Variants in CSMD1 observed in about 807,000 individuals in gnomAD.
CSMD1 encodes CUB and Sushi multiple domains 1, also known as CUB and sushi domain-containing protein 1.
In CSMD1, 213 loss-of-function variants were observed where a neutral mutation model predicts 417.5. The observed-to-expected ratio is 0.51, with a 90% CI of 0.46 to 0.57. The LOEUF is 0.57. CSMD1 is among the 20% of genes least tolerant of loss of function. CSMD1 has a pLI of 0.00. For synonymous variants in CSMD1, 2,862 were observed against 1,736.8 expected (o/e 1.65, Z -16.11); for missense variants, 6,923 against 4,529.7 (o/e 1.53, Z -15.17).
In CSMD1 at chr8:4,321,459, C is replaced by G. The variant is rs377573979; in HGVS notation, c.415+98494G>C. Reference sequence around the variant, plus strand: ...TGACCTTGGGAATCTTACCTTATCACTCTCTTAATTCCTCAGTGATGCAAG... The same window carrying G: ...TGACCTTGGGAATCTTACCTTATCAGTCTCTTAATTCCTCAGTGATGCAAG... On this transcript the variant is annotated intron_variant, in intron 3 of 69. Transcript: ENST00000635120. Among the ~76,000 whole-genome samples, 221 of 152,234 alleles carry G rather than the reference C, an allele frequency of 1.5e-3. 2 individuals carry two copies. The highest frequency in any genetic ancestry group is 5.2e-3 in the African/African-American group (217 of 41,544).
intron 3 of CSMD1, among the ~76,000 whole-genome samples, chr8:4,353,879 G>A (rs778694155): frequency 6.6e-6 from 1 of 152,136 alleles, no homozygotes; most frequent in African/African-American, 2.4e-5. Context: ...CAGCAATAGT[G>A]CCAGGGAAAA....
At chr8:4,074,605 T>C (rs968615939) in intron 3 of CSMD1, among the ~76,000 whole-genome samples, 2 of 152,170 alleles carry the variant, frequency 1.3e-5, no homozygotes, top group African/African-American at 4.8e-5. Context: ...CATTTCAAAC[T>C]ACTGTCCTAC....
intron 10 of CSMD1, among the ~76,000 whole-genome samples, chr8:3,504,436 G>C (rs1212322515): frequency 1.3e-5 from 2 of 152,140 alleles, no homozygotes; most frequent in Non-Finnish European, 2.9e-5. Flanking sequence ...GTGCAAGCAA[G>C]GTGTGTACTT....
At chr8:3,786,852 A>T (rs1375447956) in intron 5 of CSMD1, among the ~76,000 whole-genome samples, 1 of 152,116 alleles carries the variant, frequency 6.6e-6, no homozygotes, top group Non-Finnish European at 1.5e-5. Context: ...TAAAGGCACT[A>T]ATCACATTAT....
chr8:3,410,010 T>C (rs1812584419), intron 12 of CSMD1, among the ~76,000 whole-genome samples: 1 of 152,242 alleles, frequency 6.6e-6, no homozygotes, highest in Admixed American at 6.5e-5. Flanking sequence ...CATTCCCTAC[T>C]GAGTATTTAA....
intron 5 of CSMD1, among the ~76,000 whole-genome samples, chr8:3,952,862 G>C (rs867642993): frequency 2.3e-4 from 35 of 152,220 alleles, no homozygotes; most frequent in African/African-American, 7.9e-4. Context: ...GAAAATAAGA[G>C]CAAAAAACAA....
intron 3 of CSMD1, among the ~76,000 whole-genome samples, chr8:4,057,377 GTTAT>G (rs1459611841): frequency 2.0e-5 from 3 of 148,646 alleles, no homozygotes; most frequent in Non-Finnish European, 3.0e-5. Context: ...TTTTGATGGG[GTTAT>G]TTGTTTTTTT....
rs567292853 is a variant in CSMD1 at position 3,814,705 on chromosome 8, G to A, written c.819-60663C>T. On this transcript the variant is annotated intron_variant, in intron 5 of 69. Coordinates refer to ENST00000635120, the MANE Select transcript of CSMD1 (RefSeq NM_033225.6). ...ACATTAGCTTAGCCCTCTGGTGATC[G>A]CTGATTCTGAAGTAGAAATCTTAAC... 5.9e-5 allele frequency among the ~76,000 whole-genome samples: 9 copies of A among 152,220 alleles called. No homozygotes were observed. The South Asian group carries it at 1.0e-3, about 18-fold the overall frequency.
chr8:3,639,011 T>G (rs1045889134), intron 7 of CSMD1, among the ~76,000 whole-genome samples: 1 of 152,232 alleles, frequency 6.6e-6, no homozygotes, highest in Non-Finnish European at 1.5e-5. Flanking sequence ...CCTGAAGTTG[T>G]GAGTGAATAT....
At chr8:4,934,978 A>T (rs1807510656) in intron 1 of CSMD1, among the ~76,000 whole-genome samples, 1 of 152,194 alleles carries the variant, frequency 6.6e-6, no homozygotes. Flanking sequence ...ATCATCTATC[A>T]ATCATCTGTC....
At chr8:4,380,810 G>A (rs995819732) in intron 3 of CSMD1, among the ~76,000 whole-genome samples, 2 of 152,142 alleles carry the variant, frequency 1.3e-5, no homozygotes, top group African/African-American at 2.4e-5. Flanking sequence ...TTGGGAGCAA[G>A]GCACATTAAT....
At chr8:4,723,386 G>T (rs1809191047) in intron 1 of CSMD1, among the ~76,000 whole-genome samples, 1 of 152,050 alleles carries the variant, frequency 6.6e-6, no homozygotes, top group Non-Finnish European at 1.5e-5. Flanking sequence ...AAAACATGTT[G>T]CCATTTCTGA....
intron 6 of CSMD1, among the ~76,000 whole-genome samples, chr8:3,729,714 C>T (rs1012402654): frequency 6.6e-6 from 1 of 151,946 alleles, no homozygotes; most frequent in African/African-American, 2.4e-5. Flanking sequence ...AAGTCCCTAT[C>T]ACTTCCACCA....
intron 3 of CSMD1, among the ~76,000 whole-genome samples, chr8:4,136,214 C>G (rs1409600002): frequency 6.6e-6 from 1 of 152,122 alleles, no homozygotes; most frequent in African/African-American, 2.4e-5. Context: ...AAAAATTGAT[C>G]ACATATATAG....
At chr8:4,126,315 C>G (rs1563156798) in intron 3 of CSMD1, among the ~76,000 whole-genome samples, 1 of 152,178 alleles carries the variant, frequency 6.6e-6, no homozygotes, top group Non-Finnish European at 1.5e-5. Context: ...TAAATTGGCT[C>G]TGTCTGGGCA....
intron 3 of CSMD1, among the ~76,000 whole-genome samples, chr8:4,350,244 C>G (rs1158352536): frequency 6.6e-6 from 1 of 152,088 alleles, no homozygotes; most frequent in African/African-American, 2.4e-5. Context: ...AAGCCTAAGT[C>G]TCAACAACTG....
At chr8:4,003,961 T>C (rs1457441712) in intron 4 of CSMD1, among the ~76,000 whole-genome samples, 1 of 152,002 alleles carries the variant, frequency 6.6e-6, no homozygotes, top group Non-Finnish European at 1.5e-5. Context: ...AAAAAAACCA[T>C]CAACTGGAAA....
chr8:3,915,568 T>C (rs553874518), intron 5 of CSMD1, among the ~76,000 whole-genome samples: 1 of 151,822 alleles, frequency 6.6e-6, no homozygotes, highest in Admixed American at 6.6e-5. Flanking sequence ...TGAATAATTC[T>C]ATAATAGTCA....
chr8:4,380,299 C>G (rs181529611), intron 3 of CSMD1, among the ~76,000 whole-genome samples: 1 of 152,266 alleles, frequency 6.6e-6, no homozygotes, highest in East Asian at 1.9e-4. Context: ...ATCTGCAGTG[C>G]TGAGCCACAG....
Sources: allele counts gnomAD v4.1 joint callset (sites outside exome capture counted in the v4.1 genomes callset), GRCh38; gene constraint gnomAD v4.1.1; transcripts MANE v1.5; gene names NCBI Gene and HGNC (gene_info 2026-07-23, HGNC 2026-07-21).